Variants in ACSS3 observed in about 807,000 individuals in gnomAD.
ACSS3 encodes acyl-CoA synthetase short-chain family member 3, mitochondrial.
A neutral mutation model predicts 84.2 loss-of-function variants in ACSS3; 64 were observed. That is an observed-to-expected ratio of 0.76 (90% CI 0.62 to 0.94). The LOEUF (loss-of-function observed/expected upper bound fraction) is 0.94. ACSS3 is among the 40% of genes least tolerant of loss of function. The probability of loss-of-function intolerance (pLI) is 0.00; values close to 1 mark genes in which losing one functional copy is unlikely to be tolerated. For missense variants in ACSS3, 815 were observed against 867.6 expected (o/e 0.94, Z 0.76); for synonymous variants, 317 against 310.1 (o/e 1.02, Z -0.23).
rs1188102611 is a variant in ACSS3, at chr12:81,261,129, CTTAAAA to C, written c.*6210_*6215del. 1.3e-5 allele frequency: 2 copies of C among 152,080 alleles called. No individual in the cohort carries two copies. Among genetic ancestry groups the C allele is most frequent in the Non-Finnish European group, 2.9e-5 (2 of 68,002 alleles). 9.4% of individuals were successfully genotyped at this position (152,080 alleles called of 1,614,324 possible). A position where few individuals can be genotyped will look rare whatever the true frequency, so the allele number is the denominator to read the frequency against. On this transcript the variant is annotated 3_prime_UTR_variant, in exon 16 of 16. Coordinates refer to ENST00000548058, the MANE Select transcript of ACSS3 (RefSeq NM_024560.4). The stretch of plus-strand genomic sequence containing the variant: ...ATTTTGTTCCTATATGTCTTAAATA[CTTAAAA>C]TTTATATTTGTTTTTAGCAAGTGTA...
chr12:81,202,075 C>T (rs1327016675), intron 9 of ACSS3, among the ~76,000 whole-genome samples: 8 of 151,882 alleles, frequency 5.3e-5, no homozygotes, highest in Admixed American at 3.9e-4. Flanking sequence ...GTCAGGAGTT[C>T]GAGACCAGCC....
intron 8 of ACSS3, among the ~76,000 whole-genome samples, chr12:81,192,961 A>G (rs1006469802): frequency 2.0e-5 from 3 of 152,158 alleles, no homozygotes; most frequent in African/African-American, 7.2e-5. Flanking sequence ...TACTTGAGAA[A>G]AAGAGAGAGA....
intron 1 of ACSS3, among the ~76,000 whole-genome samples, chr12:81,103,088 G>A (rs1882661372): frequency 6.6e-6 from 1 of 152,120 alleles, no homozygotes; most frequent in African/African-American, 2.4e-5. Flanking sequence ...TGTTGTGAAA[G>A]GGAATTAGTA....
chr12:81,246,142 T>C (rs2033978580), intron 13 of ACSS3, among the ~76,000 whole-genome samples: 1 of 152,142 alleles, frequency 6.6e-6, no homozygotes, highest in Admixed American at 6.5e-5. Flanking sequence ...CTGGGTTCTC[T>C]TGGTTTAGGG....
intron 11 of ACSS3, among the ~76,000 whole-genome samples, chr12:81,223,358 T>C (rs956507715): frequency 3.3e-5 from 5 of 152,066 alleles, no homozygotes; most frequent in African/African-American, 1.2e-4. Flanking sequence ...ACGATGCCTG[T>C]TCACATATTT....
intron 7 of ACSS3, among the ~76,000 whole-genome samples, chr12:81,155,161 G>A (rs1177308835): frequency 6.6e-6 from 1 of 152,114 alleles, no homozygotes; most frequent in Non-Finnish European, 1.5e-5. Flanking sequence ...AAATACTTGT[G>A]GAACTAAATT....
At chr12:81,097,517 C>A (rs1044797680) in intron 1 of ACSS3, among the ~76,000 whole-genome samples, 5 of 152,178 alleles carry the variant, frequency 3.3e-5, no homozygotes, top group Non-Finnish European at 7.3e-5. Flanking sequence ...TTCTCAAACA[C>A]CTCCCTGCTT....
chr12:81,117,913 T>C (rs1884186943), intron 2 of ACSS3: 1 of 152,202 alleles, frequency 6.6e-6, no homozygotes, highest in African/African-American at 2.4e-5. Flanking sequence ...GATCCCTGGC[T>C]ACATCCAGTG....
intron 5 of ACSS3, among the ~76,000 whole-genome samples, chr12:81,147,081 G>T (rs1593126575): frequency 6.6e-6 from 1 of 152,044 alleles, no homozygotes; most frequent in South Asian, 2.1e-4. Context: ...CAGTTAAAGT[G>T]CTGAACTGGT....
chr12:81,216,265 A>G (rs2032911537), intron 9 of ACSS3, among the ~76,000 whole-genome samples: 1 of 151,568 alleles, frequency 6.6e-6, no homozygotes, highest in Non-Finnish European at 1.5e-5. Context: ...ACACATGGAC[A>G]CAGGAGGGGG....
In ACSS3 at chr12:81,228,553, C is replaced by T. The variant is rs1456839833; in HGVS notation, c.1515-2504C>T. On this transcript the variant is annotated intron_variant, in intron 11 of 15. Transcript: ENST00000548058. Reference sequence around the variant, plus strand: ...TTCTCTCTATTACAAATTGCTAGCACCTTATTTTTTCTCAGGAAGCAGGAG... The same window carrying T: ...TTCTCTCTATTACAAATTGCTAGCATCTTATTTTTTCTCAGGAAGCAGGAG... 2.0e-5 allele frequency among the ~76,000 whole-genome samples: 3 copies of T among 151,694 alleles called. No individual in the cohort carries two copies. In the East Asian group the frequency reaches 5.8e-4, roughly 29 times the overall value.
At chr12:81,156,408 G>A (rs537963516) in intron 7 of ACSS3, among the ~76,000 whole-genome samples, 48 of 152,036 alleles carry the variant, frequency 3.2e-4, no homozygotes, top group African/African-American at 1.1e-3. Context: ...CCTAGGAAAA[G>A]AGGAACAAAA....
intron 2 of ACSS3, among the ~76,000 whole-genome samples, chr12:81,120,658 C>G (rs1394440732): frequency 6.6e-6 from 1 of 152,094 alleles, no homozygotes; most frequent in Non-Finnish European, 1.5e-5. Context: ...AATGATGCCA[C>G]TAAATTATTT....
chr12:81,240,998 C>A (rs1223802265), intron 13 of ACSS3, among the ~76,000 whole-genome samples: 3 of 125,872 alleles, frequency 2.4e-5, no homozygotes, highest in Non-Finnish European at 3.3e-5. Flanking sequence ...CCCCCCACCC[C>A]ACAACAGTCC....
At position 81,233,434 on chromosome 12, in the gene ACSS3, T is replaced by C; in HGVS notation, c.1682T>C (p.Val561Ala). The C allele has an allele frequency of 6.2e-7, 1 of 1,611,198 alleles. No individual in the cohort carries two copies. ...TCTCGAGTGGATGATGTAATAAATG[T>C]TGCAGGTCACAGAATTTCTGCAGGC... ...VMSRVDDVIN[V>A]AGHRISAGAI... Residue 561 changes from valine to alanine, a missense_variant, in exon 13 of 16, where the codon GTT (valine) becomes GCT (alanine). Physicochemically the swap from Val to Ala is moderately conservative, Grantham distance 64. Coordinates refer to ENST00000548058, the MANE Select transcript of ACSS3 (RefSeq NM_024560.4).
chr12:81,151,247 A>G (rs1202863928), intron 5 of ACSS3, among the ~76,000 whole-genome samples: 1 of 152,114 alleles, frequency 6.6e-6, no homozygotes, highest in African/African-American at 2.4e-5. Flanking sequence ...TATAAGACAA[A>G]TTTTTTAACC....
At chr12:81,216,836 G>T in intron 9 of ACSS3, 65 bp from the exon 10 acceptor site, 1 of 1,377,684 alleles carries the variant, frequency 7.3e-7, no homozygotes, top group Non-Finnish European at 1.0e-6. Context: ...GAGTGTGCAT[G>T]TACTCAAGAA....
chr12:81,195,421 A>G (rs1233157999), intron 8 of ACSS3, among the ~76,000 whole-genome samples: 2 of 152,196 alleles, frequency 1.3e-5, no homozygotes, highest in East Asian at 3.9e-4. Flanking sequence ...ACTTTAACCT[A>G]CTTTTAATAA....
intron 8 of ACSS3, among the ~76,000 whole-genome samples, chr12:81,179,305 A>C (rs867408508): frequency 1.5e-4 from 8 of 52,258 alleles, no homozygotes; most frequent in African/African-American, 2.2e-4. Context: ...AGAAAAAAAA[A>C]ACACAAAAAA....
Sources: gnomAD v4.1 joint callset for allele counts (sites outside exome capture counted in the v4.1 genomes callset) on GRCh38, gnomAD v4.1.1 for gene constraint, MANE v1.5 for transcripts, NCBI Gene and HGNC (gene_info 2026-07-23, HGNC 2026-07-21) for gene names.